The following MTHFS variants were observed in gnomAD, a reference collection of about 807,000 sequenced individuals.
The protein encoded by MTHFS is 5-formyltetrahydrofolate cyclo-ligase.
MTHFS carries 7 observed loss-of-function variants against 12.7 expected under a neutral mutation model. The observed-to-expected ratio is 0.55, with a 90% CI of 0.31 to 1.03. The LOEUF (loss-of-function observed/expected upper bound fraction) is 1.03. Among genes scored for constraint, MTHFS ranks in the 50% least tolerant of loss-of-function variants. The pLI is 0.05. For missense variants in MTHFS, 252 were observed against 258.1 expected (o/e 0.98, Z 0.16); for synonymous variants, 100 against 97.1 (o/e 1.03, Z -0.18).
intron 1 of MTHFS, among the ~76,000 whole-genome samples, chr15:79,890,746 A>C (rs1024116539): frequency 6.6e-6 from 1 of 152,230 alleles, no homozygotes. Context: ...AATTAAGTAG[A>C]TAGAGCACAT....
chr15:79,860,633 A>G (rs897691119), intron 2 of MTHFS, among the ~76,000 whole-genome samples: 6 of 151,268 alleles, frequency 4.0e-5, no homozygotes, highest in African/African-American at 1.5e-4. Flanking sequence ...TATTTTAACC[A>G]TTATAACTTT....
At chr15:79,856,427 A>C (rs1239717766) in intron 2 of MTHFS, among the ~76,000 whole-genome samples, 1 of 152,226 alleles carries the variant, frequency 6.6e-6, no homozygotes, top group African/African-American at 2.4e-5. Flanking sequence ...TTAGAATCAA[A>C]GCTTAGTGAC....
chr15:79,851,190 C>T (rs1365070192), intron 2 of MTHFS, among the ~76,000 whole-genome samples: 1 of 152,174 alleles, frequency 6.6e-6, no homozygotes, highest in Non-Finnish European at 1.5e-5. Flanking sequence ...TATCACAAAT[C>T]TTAAACTTCC....
intron 2 of MTHFS, among the ~76,000 whole-genome samples, chr15:79,850,225 G>A (rs2033689875): frequency 6.6e-6 from 1 of 152,178 alleles, no homozygotes; most frequent in Non-Finnish European, 1.5e-5. Context: ...GCAGGGAAAG[G>A]GGTATAGTTT....
At chr15:79,889,473 A>AAAAAAAACC in intron 1 of MTHFS, 119 bp from the exon 2 acceptor site, 1 of 1,225,214 alleles carries the variant, frequency 8.2e-7, no homozygotes, top group Non-Finnish European at 1.1e-6. Context: ...AAGAAAAAAA[A>AAAAAAAACC]AGGGGGGGGG....
intron 2 of MTHFS, among the ~76,000 whole-genome samples, chr15:79,881,573 G>T (rs931003003): frequency 2.1e-5 from 3 of 143,000 alleles, no homozygotes; most frequent in African/African-American, 5.1e-5. Flanking sequence ...AATACAAAAT[G>T]ACTGAAAAAA....
chr15:79,880,493 A>G (rs981882830), intron 2 of MTHFS, among the ~76,000 whole-genome samples: 1 of 152,258 alleles, frequency 6.6e-6, no homozygotes, highest in East Asian at 1.9e-4. Context: ...TTTCTTTGCA[A>G]TACTATCAGT....
Position 79,872,165 on chromosome 15 carries a change from A to G in MTHFS, c.379+16928T>C, listed in dbSNP as rs144996119. On this transcript the variant is annotated intron_variant, in intron 2 of 2. Transcript: ENST00000258874. ...CTACTTTATTTCATTTTAATAGAAT[A>G]CACGAGGCCCAAACAGAAATCCTGC... Among the ~76,000 whole-genome samples the G allele has an allele frequency of 9.5e-3, 1,439 of 152,208 alleles. 12 individuals carry two copies. The highest frequency in any genetic ancestry group is 0.014 in the Non-Finnish European group (958 of 68,014).
chr15:79,846,328 GC>G (rs1420017336), intron 2 of MTHFS, among the ~76,000 whole-genome samples: 1 of 152,194 alleles, frequency 6.6e-6, no homozygotes. Flanking sequence ...CTGCCCTGTA[GC>G]CTCCTTATAC....
chr15:79,866,414 G>A (rs906652116), intron 2 of MTHFS, among the ~76,000 whole-genome samples: 3 of 152,186 alleles, frequency 2.0e-5, no homozygotes, highest in African/African-American at 7.2e-5. Context: ...GAGAAAGAGT[G>A]TCCTGGATAA....
intron 2 of MTHFS, among the ~76,000 whole-genome samples, chr15:79,870,592 TA>T (rs1201238081): frequency 6.6e-6 from 1 of 152,060 alleles, no homozygotes. Flanking sequence ...AAAAACTACT[TA>T]AAGGAATATT....
intron 1 of MTHFS, 68 bp downstream of exon 1, chr15:79,896,804 G>A (rs1389207280): frequency 3.9e-6 from 6 of 1,519,638 alleles, no homozygotes; most frequent in Non-Finnish European, 5.3e-6. Context: ...GCACAGATCA[G>A]CAATCGCTGG....
At chr15:79,876,747 GA>G (rs1451922053) in intron 2 of MTHFS, 5 of 151,448 alleles carry the variant, frequency 3.3e-5, no homozygotes, top group Admixed American at 1.3e-4. Context: ...CTCTACAGTT[GA>G]AAAGTTCAAC....
intron 2 of MTHFS, among the ~76,000 whole-genome samples, chr15:79,852,790 G>A (rs16971442): frequency 0.025 from 3,751 of 152,268 alleles, 167 homozygotes; most frequent in African/African-American, 0.085. Context: ...GAGGTATTCA[G>A]AATATAAGAC....
chr15:79,887,873 C>T (rs2034407786), intron 2 of MTHFS, among the ~76,000 whole-genome samples: 1 of 152,092 alleles, frequency 6.6e-6, no homozygotes, highest in African/African-American at 2.4e-5. Context: ...CAAGATTGGA[C>T]AATACAGGGA....
chr15:79,896,801 T>A, intron 1 of MTHFS, 71 bp downstream of exon 1: 1 of 1,503,254 alleles, frequency 6.7e-7, no homozygotes. Flanking sequence ...CATGCACAGA[T>A]CAGCAATCGC....
At position 79,851,850 on chromosome 15, in the gene MTHFS, C is replaced by A. The variant is rs569094290; in HGVS notation, c.380-6408G>T. On this transcript the variant is annotated intron_variant, in intron 2 of 2. Coordinates refer to ENST00000258874, the MANE Select transcript of MTHFS (RefSeq NM_006441.4). Reference sequence around the variant, plus strand: ...ATGGAGGAAACACAACAAGGCCAAGCATCTTAGAGGTAGTACAGGAGAGGG... The same window carrying A: ...ATGGAGGAAACACAACAAGGCCAAGAATCTTAGAGGTAGTACAGGAGAGGG... Among the ~76,000 whole-genome samples, 28 of 152,268 alleles carry A rather than the reference C, an allele frequency of 1.8e-4. 1 individual carries two copies. The East Asian group carries it at 4.4e-3, about 24-fold the overall frequency.
chr15:79,890,991 T>A, intron 1 of MTHFS, among the ~76,000 whole-genome samples: 1 of 152,226 alleles, frequency 6.6e-6, no homozygotes, highest in East Asian at 1.9e-4. Flanking sequence ...ACACTCAATG[T>A]GAGACTGTGC....
chr15:79,873,256 C>T (rs1480899780), intron 2 of MTHFS, among the ~76,000 whole-genome samples: 1 of 152,200 alleles, frequency 6.6e-6, no homozygotes. Flanking sequence ...ATTTCTGCCA[C>T]TCATGAGTTG....
Sources: allele counts gnomAD v4.1 joint callset (sites outside exome capture counted in the v4.1 genomes callset), GRCh38; gene constraint gnomAD v4.1.1; transcripts MANE v1.5; gene names NCBI Gene and HGNC (gene_info 2026-07-23, HGNC 2026-07-21).